Variants in TRIO observed in about 807,000 individuals in gnomAD.
TRIO encodes triple functional domain protein.
TRIO carries 58 observed loss-of-function variants against 351.9 expected under a neutral mutation model. That is an observed-to-expected ratio of 0.16 (90% CI 0.13 to 0.21). The LOEUF is 0.21. Among genes scored for constraint, TRIO ranks in the 10% least tolerant of loss-of-function variants. The pLI, the probability that TRIO is intolerant of heterozygous loss-of-function variation, is 1.00. For synonymous variants in TRIO, 1,758 were observed against 1,595.7 expected (o/e 1.10, Z -2.42); for missense variants, 3,201 against 4,027.8 (o/e 0.79, Z 5.56).
chr5:14,387,332 G>A, intron 21 of TRIO, 106 bp from the exon 22 acceptor site: 1 of 1,195,702 alleles, frequency 8.4e-7, no homozygotes, highest in Non-Finnish European at 1.2e-6. Context: ...CCATCAGCCG[G>A]TTTTCCTGTT....
chr5:14,174,344 C>A (rs1789281686), intron 1 of TRIO, among the ~76,000 whole-genome samples: 1 of 152,172 alleles, frequency 6.6e-6, no homozygotes, highest in Non-Finnish European at 1.5e-5. Flanking sequence ...CCACCTCACC[C>A]CAAGAGGAAC....
intron 49 of TRIO, among the ~76,000 whole-genome samples, chr5:14,495,656 T>C (rs1579829199): frequency 3.6e-5 from 1 of 27,438 alleles, no homozygotes; most frequent in Non-Finnish European, 5.5e-5. Context: ...CCGTCTCTAC[T>C]AGAAAAAAAA....
chr5:14,351,469 G>A (rs1743100017), intron 11 of TRIO, among the ~76,000 whole-genome samples: 1 of 152,122 alleles, frequency 6.6e-6, no homozygotes, highest in African/African-American at 2.4e-5. Flanking sequence ...CTGGCCCTAT[G>A]GCTCGCCCAT....
chr5:14,400,933 A>G (rs1748023621), intron 30 of TRIO, 30 bp from the exon 31 acceptor site: 1 of 1,602,536 alleles, frequency 6.2e-7, no homozygotes, highest in African/African-American at 1.3e-5. Context: ...TTTTACTGTC[A>G]CCTAATTATA....
chr5:14,159,865 G>A (rs1312027877), intron 1 of TRIO, among the ~76,000 whole-genome samples: 2 of 152,136 alleles, frequency 1.3e-5, no homozygotes, highest in African/African-American at 2.4e-5. Flanking sequence ...GCGTCCGGCC[G>A]AGCTTTATAT....
chr5:14,378,206 A>G, intron 20 of TRIO, 79 bp downstream of exon 20: 1 of 1,096,934 alleles, frequency 9.1e-7, no homozygotes, highest in Non-Finnish European at 1.3e-6. Context: ...TGAGCTTGAC[A>G]TTTCCGCCAT....
At chr5:14,289,915 A>G (rs1273682724) in intron 4 of TRIO, among the ~76,000 whole-genome samples, 1 of 152,210 alleles carries the variant, frequency 6.6e-6, no homozygotes, top group Non-Finnish European at 1.5e-5. Flanking sequence ...AAACTTTGTC[A>G]CTGTTAAATT....
At chr5:14,164,240 C>G (rs1022361992) in intron 1 of TRIO, among the ~76,000 whole-genome samples, 4 of 152,150 alleles carry the variant, frequency 2.6e-5, no homozygotes, top group African/African-American at 9.7e-5. Flanking sequence ...CAGAAAGCAT[C>G]TGAAAAACAG....
At chr5:14,196,220 G>T (rs1790759613) in intron 1 of TRIO, among the ~76,000 whole-genome samples, 1 of 152,048 alleles carries the variant, frequency 6.6e-6, no homozygotes, top group Non-Finnish European at 1.5e-5. Flanking sequence ...TCAGGAGTGT[G>T]AGACCGGCCT....
chr5:14,438,276 C>T (rs1168242996), intron 34 of TRIO, among the ~76,000 whole-genome samples: 1 of 152,182 alleles, frequency 6.6e-6, no homozygotes, highest in African/African-American at 2.4e-5. Flanking sequence ...TTTTCGAGGT[C>T]CTGTTCATTG....
At chr5:14,316,481 C>T (rs374035349) in intron 8 of TRIO, 32 bp from the exon 9 acceptor site, 48 of 1,609,676 alleles carry the variant, frequency 3.0e-5, no homozygotes, top group Non-Finnish European at 3.6e-5. Context: ...AACCTCAGAT[C>T]GTGAAGAATC....
chr5:14,304,179 G>A (rs977891389), intron 7 of TRIO, among the ~76,000 whole-genome samples: 6 of 152,140 alleles, frequency 3.9e-5, no homozygotes, highest in Non-Finnish European at 5.9e-5. Flanking sequence ...AAACAGGGCT[G>A]CATTGCTCTA....
intron 34 of TRIO, among the ~76,000 whole-genome samples, chr5:14,423,814 C>A (rs1488565882): frequency 3.3e-5 from 5 of 152,094 alleles, no homozygotes; most frequent in Non-Finnish European, 7.4e-5. Flanking sequence ...TCACCCTCCC[C>A]ACTCAGGACA....
chr5:14,310,768 C>T (rs1474464157), intron 8 of TRIO, among the ~76,000 whole-genome samples: 2 of 152,240 alleles, frequency 1.3e-5, no homozygotes, highest in African/African-American at 2.4e-5. Flanking sequence ...TCACTGCAAC[C>T]TCTGCCTCCT....
intron 1 of TRIO, among the ~76,000 whole-genome samples, chr5:14,257,878 A>G (rs1445865825): frequency 6.6e-6 from 1 of 152,262 alleles, no homozygotes; most frequent in Non-Finnish European, 1.5e-5. Context: ...TAAAGCACTT[A>G]CCAAACTTGT....
rs1045997529 is a variant in TRIO at position 14,173,458 on chromosome 5, C to G, written c.157+29576C>G. 1.3e-5 allele frequency among the ~76,000 whole-genome samples: 2 copies of G among 152,002 alleles called. 1 individual carries two copies. The highest frequency in any genetic ancestry group is 3.9e-4 in the East Asian group (2 of 5,188). ...AACTCCTGACCTCAGGTGATCCGCC[C>G]GCCTCAGCTTCCCAAAGTGCTGGGA... On this transcript the variant is annotated intron_variant, in intron 1 of 56. Transcript: ENST00000344204.
intron 54 of TRIO, among the ~76,000 whole-genome samples, 164 bp downstream of exon 54, chr5:14,502,821 G>C (rs1376886467): frequency 2.6e-5 from 4 of 152,202 alleles, no homozygotes; most frequent in Admixed American, 1.3e-4. Flanking sequence ...CTAAACACTG[G>C]GGAAGTAAGG....
chr5:14,419,522 G>A (rs547463869), intron 33 of TRIO, among the ~76,000 whole-genome samples: 1 of 152,154 alleles, frequency 6.6e-6, no homozygotes, highest in East Asian at 1.9e-4. Context: ...TTAGTCTGCT[G>A]TAAGTTAAAA....
chr5:14,225,792 A>ACCCC (rs56044349), intron 1 of TRIO, among the ~76,000 whole-genome samples: 33 of 78,128 alleles, frequency 4.2e-4, no homozygotes, highest in African/African-American at 6.7e-4. Flanking sequence ...CACTGCTCCC[A>ACCCC]CCCCCCCCCC....
Sources: allele counts gnomAD v4.1 joint callset (sites outside exome capture counted in the v4.1 genomes callset), GRCh38; gene constraint gnomAD v4.1.1; transcripts MANE v1.5; gene names NCBI Gene and HGNC (gene_info 2026-07-23, HGNC 2026-07-21).